MYL10: variants seen among roughly 807,000 people sequenced by gnomAD.
MYL10 encodes myosin regulatory light chain 10.
Under a neutral mutation model 21.9 loss-of-function variants are expected in MYL10, and 18 were observed. The observed-to-expected ratio is 0.82, with a 90% confidence interval of 0.57 to 1.22. The LOEUF (loss-of-function observed/expected upper bound fraction) is 1.22. MYL10 is among the 50% of genes most tolerant of loss of function. The pLI, the probability that MYL10 is intolerant of heterozygous loss-of-function variation, is 0.00. For missense variants in MYL10, 225 were observed against 230.4 expected, an observed-to-expected ratio of 0.98 and a Z score of 0.15; for synonymous variants, 88 against 82.8, an observed-to-expected ratio of 1.06 and a Z score of -0.34.
In MYL10 at chr7:101,622,992, C is replaced by T. The variant is rs767865259; in HGVS notation, c.349+5G>A. Reference sequence around the variant, plus strand: ...CTAATCTCCCCCGGCTGCTGGCTCACCCACCCAGCGCGGCAAAGGTGTCCC... The same window carrying T: ...CTAATCTCCCCCGGCTGCTGGCTCATCCACCCAGCGCGGCAAAGGTGTCCC... On this transcript the variant is annotated splice_donor_5th_base_variant and intron_variant, in intron 4 of 7. Transcript: ENST00000223167. The T allele has an allele frequency of 2.5e-6, 4 of 1,613,340 alleles. No individual in the cohort carries two copies. Among genetic ancestry groups the T allele is most frequent in the East Asian group, 2.2e-5 (1 of 44,886 alleles).
In MYL10 at chr7:101,624,244, T is replaced by C. The variant is rs1796718125; in HGVS notation, c.99A>G (p.Lys33=). The C allele has an allele frequency of 3.1e-6, 5 of 1,613,588 alleles. No homozygotes were observed. The highest frequency in any genetic ancestry group is 4.2e-6 in the Non-Finnish European group (5 of 1,179,880). The part of the protein sequence containing the change: ...LGLQAPRRAR[K]RAEGTASSNV... The stretch of plus-strand genomic sequence containing the variant: ...TGGAGCTGGCGGTGCCTTCTGCTCT[T>C]TTCCGAGCTCTTCTCGGTGCCTGCG... Residue 33 remains lysine, a synonymous_variant, in exon 2 of 8, where the codon AAA becomes AAG. Transcript: ENST00000223167.
chr7:101,622,543 G>C (rs986907968), intron 4 of MYL10, among the ~76,000 whole-genome samples: 1 of 152,120 alleles, frequency 6.6e-6, no homozygotes, highest in African/African-American at 2.4e-5. Flanking sequence ...ATTCCCTGTG[G>C]TTCCAGGGGA....
intron 1 of MYL10, among the ~76,000 whole-genome samples, chr7:101,627,094 C>T (rs1347925657): frequency 1.3e-5 from 2 of 151,196 alleles, no homozygotes; most frequent in Admixed American, 1.3e-4. Flanking sequence ...GAGTTCGAGA[C>T]CAACCTGGAC....
At position 101,622,203 on chromosome 7, in the gene MYL10, G is replaced by A. The variant is rs765791377; in HGVS notation, c.350-3C>T. 4.3e-6 allele frequency: 7 copies of A among 1,611,008 alleles called. No individual in the cohort carries two copies. The Admixed American group carries it at 1.0e-4, about 23-fold the overall frequency. On this transcript the variant is annotated splice_region_variant and splice_polypyrimidine_tract_variant and intron_variant, in intron 4 of 7. Coordinates refer to ENST00000223167, the MANE Select transcript of MYL10 (RefSeq NM_138403.5). ...CTCGTTCTTGACATTGATGCGGCCT[G>A]TGGGAGGTGAGAGGTGGGGGCAGGG...
chr7:101,623,293 C>T (rs77864141), intron 3 of MYL10, among the ~76,000 whole-genome samples: 2,418 of 152,218 alleles, frequency 0.016, 57 homozygotes, highest in African/African-American at 0.055. Context: ...AAGTCTGGCC[C>T]GAGGTCACAC....
chr7:101,628,723 G>A (rs906562189), intron 1 of MYL10, among the ~76,000 whole-genome samples: 10 of 152,198 alleles, frequency 6.6e-5, no homozygotes, highest in Non-Finnish European at 1.3e-4. Flanking sequence ...CAGCTGCCAG[G>A]GCCGGCAGTG....
chr7:101,613,633 C>T (rs767093042), intron 7 of MYL10, 29 bp downstream of exon 7: 17 of 1,613,880 alleles, frequency 1.1e-5, no homozygotes, highest in South Asian at 4.4e-5. Context: ...GCAGAGAATC[C>T]GCCGTGACCC....
At chr7:101,613,802 A>C in intron 6 of MYL10, 92 bp from the exon 7 acceptor site, 2 of 1,195,818 alleles carry the variant, frequency 1.7e-6, no homozygotes, top group Non-Finnish European at 1.2e-6. Flanking sequence ...AAGTGGGGGC[A>C]GGGGGACATC....
At chr7:101,628,284 A>G (rs1033762142) in intron 1 of MYL10, among the ~76,000 whole-genome samples, 1 of 150,244 alleles carries the variant, frequency 6.7e-6, no homozygotes, top group East Asian at 1.9e-4. Context: ...TGAGACCCCT[A>G]TCTCTACAAA....
In MYL10 at chr7:101,613,591, G is replaced by A; in HGVS notation, c.583-18C>T. 1.9e-6 allele frequency: 3 copies of A among 1,613,828 alleles called. No individual in the cohort carries two copies. The highest frequency in any genetic ancestry group is 1.7e-6 in the Non-Finnish European group (2 of 1,179,696). On this transcript the variant is annotated intron_variant, in intron 7 of 7. Coordinates refer to ENST00000223167, the MANE Select transcript of MYL10 (RefSeq NM_138403.5). ...TGCTTGACCTGAGAAGGAGCAGAGA[G>A]TCAGCCTGCACCAGGCCAAGTGGGG...
Position 101,613,573 on chromosome 7 carries a change from C to T in MYL10, c.583G>A (p.Val195Ile), listed in dbSNP as rs1188591376. ...GGAAATGCTGCAAACATCTGCTTGA[C>T]CTGAGAAGGAGCAGAGAGTCAGCCT... ...TQADRFSEEE[V>I]KQMFAAFPPD... Residue 195 changes from valine (V) to isoleucine (I), a missense_variant and splice_region_variant, in exon 8 of 8, where the codon GTC (valine) becomes ATC (isoleucine). By Grantham distance (29) the Val-to-Ile change is conservative. Coordinates refer to ENST00000223167, the MANE Select transcript of MYL10 (RefSeq NM_138403.5). 6.2e-6 allele frequency: 10 copies of T among 1,613,944 alleles called. No homozygotes were observed. Among genetic ancestry groups the T allele is most frequent in the Non-Finnish European group, 8.5e-6 (10 of 1,179,982 alleles).
intron 4 of MYL10, among the ~76,000 whole-genome samples, chr7:101,622,531 G>T (rs1796692441): frequency 1.3e-5 from 2 of 152,102 alleles, no homozygotes; most frequent in Non-Finnish European, 2.9e-5. Flanking sequence ...CTGGATGCTG[G>T]GATTCCCTGT....
rs756121304 is a variant in MYL10 at position 101,624,267 on chromosome 7, G to T, written c.79-3C>A. 3 of 1,611,220 alleles carry T rather than the reference G, an allele frequency of 1.9e-6. No individual in the cohort carries two copies. The highest frequency in any genetic ancestry group is 4.5e-5 in the East Asian group (2 of 44,852). On this transcript the variant is annotated splice_region_variant and splice_polypyrimidine_tract_variant and intron_variant, in intron 1 of 7. Coordinates refer to ENST00000223167, the MANE Select transcript of MYL10 (RefSeq NM_138403.5). Reference sequence around the variant, plus strand: ...CTTTTCCGAGCTCTTCTCGGTGCCTGCGAGGTAGCAGACAAGGCCTTGCAG... The same window carrying T: ...CTTTTCCGAGCTCTTCTCGGTGCCTTCGAGGTAGCAGACAAGGCCTTGCAG...
rs539475174 is a variant in MYL10, at chr7:101,627,254, G to A, written c.78+1787C>T. Among the ~76,000 whole-genome samples, 4 of 151,082 alleles carry A rather than the reference G, an allele frequency of 2.6e-5. No homozygotes were observed. The South Asian group carries it at 8.4e-4, about 32-fold the overall frequency. On this transcript the variant is annotated intron_variant, in intron 1 of 7. Transcript: ENST00000223167. ...GTGGAGGTTGCAGTGAGCCGAGATC[G>A]AGCCACCGCACTCCAACCTGGGCAA...
rs532598706 is a variant in MYL10, at chr7:101,624,513, C to T, written c.79-249G>A. ...ACAGCTGCTTCCTGGCCCTGTCCCCCGGGCTCCGGAAGGTGGGCAGCCGGT... is the reference window on the plus strand; with the variant it reads ...ACAGCTGCTTCCTGGCCCTGTCCCCTGGGCTCCGGAAGGTGGGCAGCCGGT... On this transcript the variant is annotated intron_variant, in intron 1 of 7. Transcript: ENST00000223167. 1.0e-3 allele frequency among the ~76,000 whole-genome samples: 153 copies of T among 152,348 alleles called. 2 individuals carry two copies. The South Asian group carries it at 0.02, about 20-fold the overall frequency.
At chr7:101,616,362 C>G in intron 5 of MYL10, 64 bp from the exon 6 acceptor site, 1 of 1,355,744 alleles carries the variant, frequency 7.4e-7, no homozygotes, top group South Asian at 1.2e-5. Flanking sequence ...GGGACAGGCA[C>G]AAGGCTGGGC....
chr7:101,618,621 T>A (rs1277873017), intron 5 of MYL10, among the ~76,000 whole-genome samples: 1 of 152,126 alleles, frequency 6.6e-6, no homozygotes, highest in African/African-American at 2.4e-5. Context: ...AGTGGCCACT[T>A]CCTCCCATCA....
At chr7:101,616,068 G>C in intron 6 of MYL10, 152 bp downstream of exon 6, 1 of 634,312 alleles carries the variant, frequency 1.6e-6, no homozygotes, top group Non-Finnish European at 2.9e-6. Context: ...GGCCCAGAGA[G>C]GGGAAGGGAC....
At position 101,624,174 on chromosome 7, in the gene MYL10, C is replaced by A. The variant is rs1796716609; in HGVS notation, c.169G>T (p.Glu57Ter). The A allele has an allele frequency of 6.2e-7, 1 of 1,609,088 alleles. No individual in the cohort carries two copies. The highest frequency in any genetic ancestry group is 8.5e-7 in the Non-Finnish European group (1 of 1,176,382). ...FDQSQIQEFK[E>*]SLALSPRLER... is the part of the protein sequence containing the mutation. ...GCCCCATGGGGCAGCAGACCAACCT[C>A]TTTAAACTCCTGGATCTGGGACTGA... Residue 57 changes from glutamate to a stop codon, truncating the protein, a stop_gained and splice_region_variant, in exon 2 of 8, where the codon GAG becomes TAG. Transcript: ENST00000223167. LOFTEE classifies it high-confidence loss of function.
Sources: allele counts gnomAD v4.1 joint callset (sites outside exome capture counted in the v4.1 genomes callset), GRCh38; gene constraint gnomAD v4.1.1; transcripts MANE v1.5; gene names NCBI Gene and HGNC (gene_info 2026-07-23, HGNC 2026-07-21).